The following ZRANB3 variants were observed in gnomAD, a reference collection of about 807,000 sequenced individuals.
ZRANB3 encodes zinc finger RANBP2-type containing 3.
A neutral mutation model predicts 133.8 loss-of-function variants in ZRANB3; 125 were observed. The observed-to-expected ratio is 0.93, with a 90% confidence interval of 0.81 to 1.08. ZRANB3 has a LOEUF of 1.08. Among genes scored for constraint, ZRANB3 ranks in the 50% least tolerant of loss-of-function variants. The pLI, the probability that ZRANB3 is intolerant of heterozygous loss-of-function variation, is 0.00. For missense variants in ZRANB3, 1,229 were observed against 1,275.5 expected, an observed-to-expected ratio of 0.96 and a Z score of 0.56; for synonymous variants, 387 against 432.7, an observed-to-expected ratio of 0.89 and a Z score of 1.31.
intron 2 of ZRANB3, among the ~76,000 whole-genome samples, chr2:135,493,147 AT>A (rs1692483123): frequency 4.3e-5 from 3 of 70,228 alleles, no homozygotes; most frequent in Non-Finnish European, 7.7e-5. Flanking sequence ...ATATATATAT[AT>A]ATATATATAT....
At chr2:135,379,869 T>C (rs1686607098) in intron 3 of ZRANB3, among the ~76,000 whole-genome samples, 1 of 151,154 alleles carries the variant, frequency 6.6e-6, no homozygotes, top group Non-Finnish European at 1.5e-5. Context: ...AACTGGCAAA[T>C]TGGATAAAGA....
At chr2:135,474,470 T>C (rs1420826638) in intron 2 of ZRANB3, among the ~76,000 whole-genome samples, 1 of 152,082 alleles carries the variant, frequency 6.6e-6, no homozygotes, top group Non-Finnish European at 1.5e-5. Flanking sequence ...CTCCCCACAG[T>C]TAGAAGTGAG....
rs545776148 is a variant in ZRANB3 at position 135,233,110 on chromosome 2, A to T, written c.1540-2183T>A. ...GAGAAGTCCTTAAAGGACCTGATGG[A>T]GCTGAAAACCATGGCACGAGAGCTA... is the stretch of plus-strand genomic sequence containing the variant. On this transcript the variant is annotated intron_variant, in intron 12 of 20. Coordinates refer to ENST00000264159, the MANE Select transcript of ZRANB3 (RefSeq NM_032143.4). Among the ~76,000 whole-genome samples the T allele has an allele frequency of 2.0e-5, 3 of 152,246 alleles. No homozygotes were observed. In the East Asian group the frequency reaches 5.8e-4, roughly 29 times the overall value.
intron 6 of ZRANB3, among the ~76,000 whole-genome samples, chr2:135,327,442 A>G (rs921679463): frequency 3.9e-5 from 6 of 152,282 alleles, no homozygotes; most frequent in East Asian, 3.9e-4. Context: ...AACAGATGGG[A>G]AAAAAATGAA....
intron 2 of ZRANB3, among the ~76,000 whole-genome samples, chr2:135,465,026 C>A (rs190209770): frequency 2.0e-5 from 3 of 152,156 alleles, no homozygotes; most frequent in African/African-American, 7.2e-5. Context: ...GAAGGCATTT[C>A]AGTCTATAGG....
chr2:135,224,877 T>C (rs1214752106), intron 14 of ZRANB3, among the ~76,000 whole-genome samples: 3 of 152,194 alleles, frequency 2.0e-5, no homozygotes, highest in Admixed American at 1.3e-4. Flanking sequence ...TAGAGTAGAT[T>C]TGAGACCGAA....
chr2:135,322,892 C>T (rs1287766244), intron 6 of ZRANB3, among the ~76,000 whole-genome samples: 1 of 151,882 alleles, frequency 6.6e-6, no homozygotes, highest in Non-Finnish European at 1.5e-5. Context: ...TGGCGGGCAC[C>T]TGTAATCCCA....
intron 17 of ZRANB3, among the ~76,000 whole-genome samples, chr2:135,216,093 T>G (rs573961034): frequency 1.3e-5 from 2 of 152,272 alleles, no homozygotes; most frequent in South Asian, 4.1e-4. Flanking sequence ...ATCCCTTTTT[T>G]TTTTTTTACA....
intron 12 of ZRANB3, among the ~76,000 whole-genome samples, chr2:135,237,336 G>C (rs1487687067): frequency 6.6e-6 from 1 of 150,920 alleles, no homozygotes; most frequent in Non-Finnish European, 1.5e-5. Context: ...CTTTTACACT[G>C]TTGGTGGGAC....
At chr2:135,478,065 C>T (rs1301431095) in intron 2 of ZRANB3, among the ~76,000 whole-genome samples, 1 of 152,020 alleles carries the variant, frequency 6.6e-6, no homozygotes, top group African/African-American at 2.4e-5. Flanking sequence ...AAACACAAAA[C>T]AAACACACCC....
chr2:135,498,268 G>A (rs887106145), intron 2 of ZRANB3, among the ~76,000 whole-genome samples: 3 of 152,052 alleles, frequency 2.0e-5, no homozygotes, highest in Non-Finnish European at 4.4e-5. Context: ...TGGAGGGACC[G>A]GCTGAAGCCA....
chr2:135,260,054 G>C (rs1679877935), intron 12 of ZRANB3, among the ~76,000 whole-genome samples: 1 of 152,190 alleles, frequency 6.6e-6, no homozygotes, highest in Non-Finnish European at 1.5e-5. Flanking sequence ...AAACCAGAGA[G>C]AGAAGGAGGC....
At chr2:135,224,364 T>C in intron 15 of ZRANB3, 62 bp downstream of exon 15, 1 of 1,347,454 alleles carries the variant, frequency 7.4e-7, no homozygotes, top group Non-Finnish European at 1.0e-6. Context: ...GTATCTCCAC[T>C]GAAAAGTGAA....
chr2:135,279,292 A>T (rs1680987265), intron 8 of ZRANB3, among the ~76,000 whole-genome samples: 2 of 152,204 alleles, frequency 1.3e-5, no homozygotes, highest in Non-Finnish European at 2.9e-5. Context: ...GATTCTGCAA[A>T]CTACATTTTG....
chr2:135,209,955 T>C (rs909450597), intron 17 of ZRANB3, among the ~76,000 whole-genome samples: 5 of 152,208 alleles, frequency 3.3e-5, no homozygotes, highest in Non-Finnish European at 7.3e-5. Context: ...TTTGATTAGG[T>C]GATATAAGCA....
At chr2:135,325,330 C>A (rs1019604450) in intron 6 of ZRANB3, among the ~76,000 whole-genome samples, 2 of 152,124 alleles carry the variant, frequency 1.3e-5, no homozygotes, top group Non-Finnish European at 2.9e-5. Flanking sequence ...AAAAATTTAT[C>A]CTGCCTTTCT....
At chr2:135,432,685 TC>T (rs1227102315) in intron 2 of ZRANB3, among the ~76,000 whole-genome samples, 1 of 152,120 alleles carries the variant, frequency 6.6e-6, no homozygotes, top group African/African-American at 2.4e-5. Context: ...ATTCTTCCCC[TC>T]CTCTAGGCTT....
intron 2 of ZRANB3, among the ~76,000 whole-genome samples, chr2:135,487,630 C>T (rs563172217): frequency 7.9e-5 from 12 of 152,296 alleles, no homozygotes; most frequent in Middle Eastern, 3.4e-3. Context: ...TATGTTATGA[C>T]GATGGCGTTT....
At chr2:135,317,340 C>T (rs979642376) in intron 6 of ZRANB3, among the ~76,000 whole-genome samples, 5 of 151,962 alleles carry the variant, frequency 3.3e-5, no homozygotes, top group Non-Finnish European at 2.9e-5. Context: ...TTTGATCACA[C>T]GGTCACAAAA....
Sources: allele counts gnomAD v4.1 joint callset (sites outside exome capture counted in the v4.1 genomes callset), GRCh38; gene constraint gnomAD v4.1.1; transcripts MANE v1.5; gene names NCBI Gene and HGNC (gene_info 2026-07-23, HGNC 2026-07-21).